The following ALK variants were observed in gnomAD, a reference collection of about 807,000 sequenced individuals.
The protein encoded by ALK is ALK receptor tyrosine kinase.
In ALK, 74 loss-of-function variants were observed where a neutral mutation model predicts 163.1. The observed-to-expected ratio is 0.45, with a 90% CI of 0.38 to 0.55. The LOEUF (loss-of-function observed/expected upper bound fraction) is 0.55. Among genes scored for constraint, ALK ranks in the 20% least tolerant of loss-of-function variants. The probability of loss-of-function intolerance (pLI) is 0.00; values close to 1 mark genes in which losing one functional copy is unlikely to be tolerated. For missense variants in ALK, 2,063 were observed against 2,105.3 expected, an observed-to-expected ratio of 0.98 and a Z score of 0.39; for synonymous variants, 960 against 843.2, an observed-to-expected ratio of 1.14 and a Z score of -2.40.
Position 29,386,861 on chromosome 2 carries a change from G to A in ALK, c.1155-3002C>T, listed in dbSNP as rs114820064. 4.8e-3 allele frequency among the ~76,000 whole-genome samples: 736 copies of A among 152,284 alleles called. 11 individuals are homozygous for A. Among genetic ancestry groups the A allele is most frequent in the African/African-American group, 0.017 (704 of 41,554 alleles). On this transcript the variant is annotated intron_variant, in intron 4 of 28. Transcript: ENST00000389048. ...TAGGGTCAGATTTGTTTAAGAGAAC[G>A]CCAAAAACCCAGTGAAAAACAAATC...
intron 1 of ALK, among the ~76,000 whole-genome samples, chr2:29,812,600 A>T (rs901964531): frequency 6.6e-6 from 1 of 152,196 alleles, no homozygotes; most frequent in African/African-American, 2.4e-5. Flanking sequence ...ATTAAACTCC[A>T]TTTGCCTTTT....
chr2:29,530,523 T>C (rs1673094004), intron 4 of ALK, among the ~76,000 whole-genome samples: 3 of 152,246 alleles, frequency 2.0e-5, no homozygotes, highest in Admixed American at 2.0e-4. Flanking sequence ...CCCTGGTCTC[T>C]GCCAGTCCTG....
intron 4 of ALK, among the ~76,000 whole-genome samples, chr2:29,504,188 T>G (rs1227902477): frequency 6.6e-6 from 1 of 151,822 alleles, no homozygotes; most frequent in Non-Finnish European, 1.5e-5. Flanking sequence ...AGGGAAGGTG[T>G]TGCATGCTAG....
chr2:29,668,367 A>C (rs1677581391), intron 3 of ALK, among the ~76,000 whole-genome samples: 1 of 151,210 alleles, frequency 6.6e-6, no homozygotes, highest in South Asian at 2.1e-4. Context: ...AGGTCTTTTT[A>C]CTTTTTTAAA....
At chr2:29,472,181 G>A (rs890027096) in intron 4 of ALK, among the ~76,000 whole-genome samples, 2 of 152,208 alleles carry the variant, frequency 1.3e-5, no homozygotes, top group Non-Finnish European at 2.9e-5. Context: ...GGCCCAAGTA[G>A]TGATGCCACC....
rs543017934 is a variant in ALK at position 29,218,351 on chromosome 2, T to C, written c.3645+2355A>G. Among the ~76,000 whole-genome samples, 593 of 152,308 alleles carry C rather than the reference T, an allele frequency of 3.9e-3. 1 individual carries two copies. The highest frequency in any genetic ancestry group is 6.4e-3 in the Non-Finnish European group (438 of 68,010). On this transcript the variant is annotated intron_variant, in intron 23 of 28. Coordinates refer to ENST00000389048, the MANE Select transcript of ALK (RefSeq NM_004304.5). ...CCAAGGACAGGCCCCCTCCCCGTTC[T>C]GGGGGTCCCTCAGGTAGTGCCTGCT...
intron 1 of ALK, among the ~76,000 whole-genome samples, chr2:29,742,781 C>T (rs1680096508): frequency 6.6e-6 from 1 of 152,104 alleles, no homozygotes; most frequent in South Asian, 2.1e-4. Context: ...TTATTCCCTC[C>T]TTTTTGTTTG....
At chr2:29,501,546 C>T (rs577422451) in intron 4 of ALK, among the ~76,000 whole-genome samples, 7 of 152,308 alleles carry the variant, frequency 4.6e-5, no homozygotes, top group African/African-American at 1.7e-4. Flanking sequence ...TGCTTCATGT[C>T]CTCTTCTTCC....
intron 4 of ALK, among the ~76,000 whole-genome samples, chr2:29,462,036 A>G (rs886966196): frequency 6.6e-6 from 1 of 152,138 alleles, no homozygotes; most frequent in African/African-American, 2.4e-5. Flanking sequence ...GGAGAAAGCA[A>G]CTGCAGGTGT....
intron 4 of ALK, among the ~76,000 whole-genome samples, chr2:29,387,524 G>A (rs918904806): frequency 3.3e-5 from 5 of 152,158 alleles, no homozygotes; most frequent in African/African-American, 1.2e-4. Flanking sequence ...GATTCCGGTC[G>A]TGGATTTGCG....
At chr2:29,696,180 T>C (rs1678555950) in intron 2 of ALK, among the ~76,000 whole-genome samples, 2 of 152,214 alleles carry the variant, frequency 1.3e-5, no homozygotes, top group South Asian at 4.1e-4. Flanking sequence ...GTGGCACATG[T>C]ACACCATGGA....
Position 29,193,353 on chromosome 2 carries a change from A to T in ALK, c.4734T>A (p.Pro1578=), listed in dbSNP as rs749162642. 1 of 1,614,168 alleles carries T rather than the reference A, an allele frequency of 6.2e-7. No individual in the cohort carries two copies. The highest frequency in any genetic ancestry group is 8.5e-7 in the Non-Finnish European group (1 of 1,180,022). Residue 1578 remains proline (P), a synonymous_variant, in exon 29 of 29, where the codon CCT becomes CCA. Coordinates refer to ENST00000389048, the MANE Select transcript of ALK (RefSeq NM_004304.5). ...GGTAGCCGTAATTGACATTCCCACA[A>T]GGGAAGTGACGTAGCCTGAACAGAG... The part of the protein sequence containing the change: ...EVPLFRLRHF[P]CGNVNYGYQQ...
At chr2:29,757,593 TTGTG>T (rs35768373) in intron 1 of ALK, among the ~76,000 whole-genome samples, 40 of 148,320 alleles carry the variant, frequency 2.7e-4, no homozygotes, top group African/African-American at 7.2e-4. Flanking sequence ...TTTTGTTTGT[TTGTG>T]TGTGTGTGTG....
chr2:29,776,772 G>C (rs934206950), intron 1 of ALK, among the ~76,000 whole-genome samples: 5 of 152,054 alleles, frequency 3.3e-5, no homozygotes, highest in African/African-American at 1.2e-4. Context: ...ACTTCAGCCT[G>C]GGCAACAGAG....
chr2:29,254,612 C>T (rs1664907106), intron 11 of ALK, among the ~76,000 whole-genome samples: 2 of 152,196 alleles, frequency 1.3e-5, no homozygotes, highest in Admixed American at 1.3e-4. Flanking sequence ...GTAGATTGTA[C>T]AACCTCTCTA....
intron 4 of ALK, among the ~76,000 whole-genome samples, chr2:29,524,136 C>CTT (rs1672890966): frequency 1.3e-5 from 2 of 152,112 alleles, no homozygotes; most frequent in Non-Finnish European, 2.9e-5. Flanking sequence ...AGACCCAGAG[C>CTT]TTAGGCTTTA....
intron 4 of ALK, among the ~76,000 whole-genome samples, chr2:29,388,148 A>G (rs1225476876): frequency 1.3e-5 from 2 of 152,214 alleles, no homozygotes; most frequent in African/African-American, 4.8e-5. Flanking sequence ...TTAGCTCTAT[A>G]TGTTTAAAGA....
intron 5 of ALK, among the ~76,000 whole-genome samples, chr2:29,372,811 G>A (rs2148294121): frequency 6.6e-6 from 1 of 152,268 alleles, no homozygotes; most frequent in East Asian, 1.9e-4. Context: ...GACCTCTAAT[G>A]TTGGAGAATA....
At chr2:29,651,065 C>G (rs1677022764) in intron 3 of ALK, among the ~76,000 whole-genome samples, 1 of 152,014 alleles carries the variant, frequency 6.6e-6, no homozygotes, top group South Asian at 2.1e-4. Flanking sequence ...GACACAGAAG[C>G]CGATATGGGT....
Sources: allele counts gnomAD v4.1 joint callset (sites outside exome capture counted in the v4.1 genomes callset), GRCh38; gene constraint gnomAD v4.1.1; transcripts MANE v1.5; gene names NCBI Gene and HGNC (gene_info 2026-07-23, HGNC 2026-07-21).